WDR88: variants seen among roughly 807,000 people sequenced by gnomAD.
WDR88 encodes the protein WD repeat-containing protein 88.
A neutral mutation model predicts 46.8 loss-of-function variants in WDR88; 40 were observed. That is an observed-to-expected ratio of 0.86 (90% CI 0.66 to 1.11). The LOEUF (loss-of-function observed/expected upper bound fraction) is 1.11. Among genes scored for constraint, WDR88 ranks in the 50% most tolerant of loss-of-function variants. The pLI is 0.00. For synonymous variants in WDR88, 235 were observed against 240.7 expected, an observed-to-expected ratio of 0.98 and a Z score of 0.22; for missense variants, 562 against 602.4, an observed-to-expected ratio of 0.93 and a Z score of 0.70.
chr19:33,145,035 T>TG (rs766770741), intron 3 of WDR88, 103 bp downstream of exon 3: 39 of 1,099,950 alleles, frequency 3.5e-5, no homozygotes, highest in African/African-American at 1.6e-4. Flanking sequence ...GTAATAGATA[T>TG]GGGGTCTCAC....
chr19:33,147,224 G>A (rs978591020), intron 3 of WDR88, among the ~76,000 whole-genome samples: 1 of 151,460 alleles, frequency 6.6e-6, no homozygotes, highest in African/African-American at 2.4e-5. Context: ...ATGACAGAGT[G>A]ACATCCTGTC....
intron 7 of WDR88, among the ~76,000 whole-genome samples, chr19:33,160,158 C>T (rs1973840434): frequency 6.6e-6 from 1 of 152,102 alleles, no homozygotes; most frequent in African/African-American, 2.4e-5. Context: ...TGCTGGGTGG[C>T]CTGGTTCCCA....
chr19:33,152,397 G>A (rs1452123976), intron 6 of WDR88, among the ~76,000 whole-genome samples: 3 of 151,834 alleles, frequency 2.0e-5, no homozygotes, highest in East Asian at 1.9e-4. Flanking sequence ...GCTCTTACCC[G>A]TTAAGCAATA....
intron 9 of WDR88, among the ~76,000 whole-genome samples, chr19:33,168,032 C>CTT (rs1555727366): frequency 7.3e-6 from 1 of 137,724 alleles, no homozygotes; most frequent in Non-Finnish European, 1.6e-5. Flanking sequence ...TGATTTCTTT[C>CTT]TTTTTTTTTT....
intron 3 of WDR88, 46 bp downstream of exon 3, chr19:33,144,978 G>A (rs1301703685): frequency 1.9e-6 from 3 of 1,568,840 alleles, no homozygotes; most frequent in East Asian, 2.3e-5. Context: ...GGGTGAGCAG[G>A]CATGCCATAA....
chr19:33,172,572 G>A lies in WDR88; in HGVS notation c.1242+132G>A, dbSNP rs139553257. On this transcript the variant is annotated intron_variant, in intron 10 of 10. Coordinates refer to ENST00000355868, the MANE Select transcript of WDR88 (RefSeq NM_173479.4). ...CAAACAGACTGACATTTTTGCCCCA[G>A]GGGAGCTTAAATTCTAAGAGAGGAA... The A allele has an allele frequency of 2.0e-5, 14 of 703,280 alleles. No homozygotes were observed. In the East Asian group the frequency reaches 3.3e-4, roughly 17 times the overall value. 43.6% of individuals were successfully genotyped at this position (703,280 alleles called of 1,614,324 possible).
At position 33,155,223 on chromosome 19, in the gene WDR88, C is replaced by T. The variant is rs555314511; in HGVS notation, c.810-1132C>T. 3.9e-5 allele frequency among the ~76,000 whole-genome samples: 6 copies of T among 152,314 alleles called. No homozygotes were observed. In the South Asian group the frequency reaches 1.2e-3, roughly 32 times the overall value. The stretch of plus-strand genomic sequence containing the variant: ...TGGCACAATCTTGGCTCACTGCAAC[C>T]TCCACCTCCTGGGTTCAAGTGATTC... On this transcript the variant is annotated intron_variant, in intron 6 of 10. Coordinates refer to ENST00000355868, the MANE Select transcript of WDR88 (RefSeq NM_173479.4).
rs1203086647 is a variant in WDR88, at chr19:33,157,661, GTATGTA to G, written c.997+1121_997+1126del. The stretch of plus-strand genomic sequence containing the variant: ...TATATGTGTGTGTGTATGTATATAT[GTATGTA>G]TGTGTGTGTGTGTATGTATGTATAT... On this transcript the variant is annotated intron_variant, in intron 7 of 10. Coordinates refer to ENST00000355868, the MANE Select transcript of WDR88 (RefSeq NM_173479.4). Among the ~76,000 whole-genome samples, 62 of 80,520 alleles carry G rather than the reference GTATGTA, an allele frequency of 7.7e-4. 3 individuals carry two copies. In the South Asian group the frequency reaches 0.013, roughly 17 times the overall value. The allele number at this position is 80,520 out of a possible 152,430, so 52.8% of individuals were successfully genotyped here.
Position 33,156,403 on chromosome 19 carries a change from T to C in WDR88, c.858T>C (p.His286=). ...ACTGCTGTTTTACCTTCAGTGGCCA[T>C]TTCCTGTGTACAAGCTCCTGGGATA... The part of the protein sequence containing the change: ...ISNCCFTFSG[H]FLCTSSWDKN... Residue 286 remains histidine (H), a synonymous_variant, in exon 7 of 11, where the codon CAT becomes CAC. Coordinates refer to ENST00000355868, the MANE Select transcript of WDR88 (RefSeq NM_173479.4). 6.2e-7 allele frequency: 1 copy of C among 1,614,158 alleles called. No homozygotes were observed. Among genetic ancestry groups the C allele is most frequent in the Non-Finnish European group, 8.5e-7 (1 of 1,180,008 alleles).
rs374538870 is a variant in WDR88 at position 33,175,604 on chromosome 19, C to G, written c.*32C>G. 38 of 1,612,762 alleles carry G rather than the reference C, an allele frequency of 2.4e-5. No individual in the cohort carries two copies. In the African/African-American group the frequency reaches 4.9e-4, roughly 21 times the overall value. ...CAGGCCCCTTTGAGTGACTCCAGCA[C>G]AGGCTACCTAGCATGTAGGTTTCGG... On this transcript the variant is annotated 3_prime_UTR_variant, in exon 11 of 11. Coordinates refer to ENST00000355868, the MANE Select transcript of WDR88 (RefSeq NM_173479.4).
chr19:33,160,400 A>AT lies in WDR88; in HGVS notation c.998-10dup, dbSNP rs1258227601. 2 of 1,613,812 alleles carry AT rather than the reference A, an allele frequency of 1.2e-6. No homozygotes were observed. The highest frequency in any genetic ancestry group is 1.7e-6 in the Non-Finnish European group (2 of 1,179,966). On this transcript the variant is annotated splice_polypyrimidine_tract_variant and intron_variant, in intron 7 of 10. Coordinates refer to ENST00000355868, the MANE Select transcript of WDR88 (RefSeq NM_173479.4). ...AGTTGACCCCCATCTCCACCCTTTC[A>AT]TTTTCTGTTGCAGGCTCTTTTCTCA...
At chr19:33,167,322 T>C (rs1973968610) in intron 9 of WDR88, among the ~76,000 whole-genome samples, 2 of 152,132 alleles carry the variant, frequency 1.3e-5, no homozygotes, top group Non-Finnish European at 2.9e-5. Context: ...TACAATCATT[T>C]CAACTGACAC....
At chr19:33,149,898 G>C (rs1973598253) in intron 5 of WDR88, among the ~76,000 whole-genome samples, 1 of 152,032 alleles carries the variant, frequency 6.6e-6, no homozygotes, top group Admixed American at 6.6e-5. Flanking sequence ...GACCTCAGGT[G>C]ATCTGCCCGC....
intron 7 of WDR88, among the ~76,000 whole-genome samples, chr19:33,160,109 C>A (rs1277127462): frequency 6.6e-6 from 1 of 152,172 alleles, no homozygotes; most frequent in African/African-American, 2.4e-5. Context: ...GCTGTAAATA[C>A]AGATGAAGCT....
chr19:33,170,239 A>G (rs968717522), intron 9 of WDR88, among the ~76,000 whole-genome samples: 8 of 151,634 alleles, frequency 5.3e-5, no homozygotes, highest in Non-Finnish European at 8.8e-5. Context: ...GTGCAGTGGC[A>G]TGATCTCAGC....
chr19:33,135,232 T>A (rs1213389808), intron 1 of WDR88, among the ~76,000 whole-genome samples: 1 of 152,156 alleles, frequency 6.6e-6, no homozygotes, highest in East Asian at 1.9e-4. Context: ...CACCAGGCAA[T>A]TCTGCTTTCT....
At chr19:33,175,260 C>T in intron 10 of WDR88, 136 bp from the exon 11 acceptor site, 1 of 1,050,620 alleles carries the variant, frequency 9.5e-7, no homozygotes, top group Non-Finnish European at 1.4e-6. Context: ...AACAAACAAA[C>T]AAACCAAAAA....
intron 1 of WDR88, among the ~76,000 whole-genome samples, chr19:33,133,465 T>A (rs1192894951): frequency 6.6e-6 from 1 of 152,134 alleles, no homozygotes; most frequent in Non-Finnish European, 1.5e-5. Context: ...GCAAGATCAT[T>A]TGAACCCGGG....
rs1424691406 is a variant in WDR88, at chr19:33,146,098, G to T, written c.476+1166G>T. Among the ~76,000 whole-genome samples, 3 of 151,954 alleles carry T rather than the reference G, an allele frequency of 2.0e-5. No individual in the cohort carries two copies. In the East Asian group the frequency reaches 5.8e-4, roughly 30 times the overall value. On this transcript the variant is annotated intron_variant, in intron 3 of 10. Transcript: ENST00000355868. Reference sequence around the variant, plus strand: ...CTGAGGTCGGGTAGCCTTGAACAAGGCTAGCCTGACCAACATGGAGAAACC... The same window carrying T: ...CTGAGGTCGGGTAGCCTTGAACAAGTCTAGCCTGACCAACATGGAGAAACC...
Sources: allele counts gnomAD v4.1 joint callset (sites outside exome capture counted in the v4.1 genomes callset), GRCh38; gene constraint gnomAD v4.1.1; transcripts MANE v1.5; gene names NCBI Gene and HGNC (gene_info 2026-07-23, HGNC 2026-07-21).